LRRC8D: variants seen among roughly 807,000 people sequenced by gnomAD.
LRRC8D encodes the protein volume-regulated anion channel subunit LRRC8D.
LRRC8D carries 20 observed loss-of-function variants against 55.8 expected under a neutral mutation model. The ratio of observed to expected loss-of-function variants is 0.36; its 90% CI spans 0.25 to 0.52. LRRC8D has a LOEUF of 0.52. Ranked by LOEUF, LRRC8D falls within the 20% of genes least tolerant of loss-of-function variation. The pLI is 0.93. For missense variants in LRRC8D, 651 were observed against 1,030.8 expected, an observed-to-expected ratio of 0.63 and a Z score of 5.05; for synonymous variants, 352 against 377.0, an observed-to-expected ratio of 0.93 and a Z score of 0.77.
intron 2 of LRRC8D, among the ~76,000 whole-genome samples, chr1:89,908,115 G>A (rs2816847): frequency 0.3 from 45,422 of 152,044 alleles, 7,175 homozygotes; most frequent in African/African-American, 0.39. Context: ...TGATGATGAT[G>A]ATGATGATGT....
intron 2 of LRRC8D, among the ~76,000 whole-genome samples, chr1:89,845,784 T>A (rs574879643): frequency 5.9e-5 from 9 of 152,064 alleles, no homozygotes; most frequent in Admixed American, 2.6e-4. Flanking sequence ...CTACTTTTTT[T>A]TTTTTATTTT....
At chr1:89,914,966 G>A (rs1193171343) in intron 2 of LRRC8D, among the ~76,000 whole-genome samples, 1 of 151,536 alleles carries the variant, frequency 6.6e-6, no homozygotes, top group East Asian at 1.9e-4. Context: ...GATAAGTATG[G>A]GTGGATCTTT....
chr1:89,837,797 A>G lies in LRRC8D; in HGVS notation c.-147-5841A>G, dbSNP rs145194578. Among the ~76,000 whole-genome samples the G allele has an allele frequency of 8.3e-4, 126 of 152,354 alleles. 1 individual carries two copies. The highest frequency in any genetic ancestry group is 2.5e-3 in the African/African-American group (106 of 41,592). On this transcript the variant is annotated intron_variant, in intron 1 of 2. Coordinates refer to ENST00000337338, the MANE Select transcript of LRRC8D (RefSeq NM_001134479.2). Reference sequence around the variant, plus strand: ...CTCTTTCGTGCTATTTGCCTTGGCTATTCCACTACAGGCAAAGGAAAGGAG... The same window carrying G: ...CTCTTTCGTGCTATTTGCCTTGGCTGTTCCACTACAGGCAAAGGAAAGGAG...
chr1:89,901,067 T>C (rs1026557035), intron 2 of LRRC8D, among the ~76,000 whole-genome samples: 3 of 152,190 alleles, frequency 2.0e-5, no homozygotes, highest in African/African-American at 7.2e-5. Context: ...GCATTTCTAG[T>C]CCAGCATATC....
chr1:89,839,518 C>T (rs186308942), intron 1 of LRRC8D, among the ~76,000 whole-genome samples: 181 of 152,296 alleles, frequency 1.2e-3, no homozygotes, highest in Non-Finnish European at 2.1e-3. Context: ...CGACCCCTTG[C>T]TGCATTTTGT....
At chr1:89,924,070 T>C (rs1322068139) in intron 2 of LRRC8D, among the ~76,000 whole-genome samples, 1 of 152,176 alleles carries the variant, frequency 6.6e-6, no homozygotes. Context: ...AAAACAAAAA[T>C]TGACAAGTGG....
chr1:89,906,612 T>C (rs1663000355), intron 2 of LRRC8D, among the ~76,000 whole-genome samples: 1 of 152,198 alleles, frequency 6.6e-6, no homozygotes, highest in African/African-American at 2.4e-5. Context: ...AGCCAAACTT[T>C]TGGGAGCCAG....
At chr1:89,931,248 A>C (rs1351403364) in intron 2 of LRRC8D, among the ~76,000 whole-genome samples, 1 of 146,950 alleles carries the variant, frequency 6.8e-6, no homozygotes, top group Non-Finnish European at 1.5e-5. Context: ...AGGTATGTGG[A>C]AGGGTTTCGG....
chr1:89,871,630 T>C (rs1270338474), intron 2 of LRRC8D, among the ~76,000 whole-genome samples: 1 of 152,236 alleles, frequency 6.6e-6, no homozygotes, highest in African/African-American at 2.4e-5. Flanking sequence ...TTCTTTCTAC[T>C]GTTTACAGGA....
chr1:89,842,203 ACT>A (rs1661152178), intron 1 of LRRC8D, among the ~76,000 whole-genome samples: 1 of 117,304 alleles, frequency 8.5e-6, no homozygotes, highest in African/African-American at 3.4e-5. Flanking sequence ...ACAGAGCGAG[ACT>A]CTGTCTCAGA....
At chr1:89,848,255 A>G (rs2100758713) in intron 2 of LRRC8D, among the ~76,000 whole-genome samples, 1 of 152,314 alleles carries the variant, frequency 6.6e-6, no homozygotes, top group African/African-American at 2.4e-5. Context: ...GTTTTTGTAG[A>G]GTCAGGACTG....
At chr1:89,872,112 G>A (rs1260266051) in intron 2 of LRRC8D, among the ~76,000 whole-genome samples, 1 of 152,162 alleles carries the variant, frequency 6.6e-6, no homozygotes, top group Non-Finnish European at 1.5e-5. Flanking sequence ...AGTGTATTCC[G>A]TCTGCAACGT....
At chr1:89,836,452 G>A (rs1313121068) in intron 1 of LRRC8D, among the ~76,000 whole-genome samples, 2 of 152,164 alleles carry the variant, frequency 1.3e-5, no homozygotes, top group African/African-American at 4.8e-5. Flanking sequence ...CGGCATATTT[G>A]TAGTGGGGCC....
At chr1:89,927,070 C>T (rs1016787086) in intron 2 of LRRC8D, among the ~76,000 whole-genome samples, 1 of 152,244 alleles carries the variant, frequency 6.6e-6, no homozygotes, top group African/African-American at 2.4e-5. Flanking sequence ...TCTGCACCTT[C>T]TTTTCTATGG....
intron 2 of LRRC8D, among the ~76,000 whole-genome samples, chr1:89,915,245 T>C (rs554688209): frequency 6.6e-6 from 1 of 152,340 alleles, no homozygotes; most frequent in South Asian, 2.1e-4. Flanking sequence ...AATAGATTAA[T>C]GATTGGTCAC....
Position 89,934,129 on chromosome 1 carries a change from G to A in LRRC8D, c.1061G>A (p.Cys354Tyr). 6.2e-7 allele frequency: 1 copy of A among 1,614,150 alleles called. No individual in the cohort carries two copies. Among genetic ancestry groups the A allele is most frequent in the Non-Finnish European group, 8.5e-7 (1 of 1,180,022 alleles). Residue 354 changes from cysteine (C) to tyrosine (Y), a missense_variant, in exon 3 of 3, where the codon TGC (cysteine) becomes TAC (tyrosine). Physicochemically the swap from Cys to Tyr is radical, Grantham distance 194 (BLOSUM62 -2). Coordinates refer to ENST00000337338, the MANE Select transcript of LRRC8D (RefSeq NM_001134479.2). This position sits in a 1 kb window ranked among gnomAD's most constrained non-coding sequence, Gnocchi z 5.9. ...EHLIGYEVFE[C>Y]THNMAYMLKK... ...CTGATTGGTTATGAGGTATTTGAGT[G>A]CACCCACAATATGGCTTACATGTTG...
chr1:89,843,841 C>T, intron 2 of LRRC8D, 59 bp downstream of exon 2: 2 of 594,836 alleles, frequency 3.4e-6, no homozygotes, highest in Non-Finnish European at 6.1e-6. Flanking sequence ...GCACGGAGCA[C>T]TGCTAGTGTC....
chr1:89,931,559 G>A (rs1663706063), intron 2 of LRRC8D, among the ~76,000 whole-genome samples: 1 of 152,112 alleles, frequency 6.6e-6, no homozygotes, highest in Non-Finnish European at 1.5e-5. Flanking sequence ...AGGAGTTCGA[G>A]ACCAGCCTGG....
At chr1:89,926,497 C>A (rs1287005796) in intron 2 of LRRC8D, among the ~76,000 whole-genome samples, 1 of 152,218 alleles carries the variant, frequency 6.6e-6, no homozygotes, top group African/African-American at 2.4e-5. Flanking sequence ...TACATAATGT[C>A]ATTGCTTTGT....
Sources: gnomAD v4.1 joint callset for allele counts (sites outside exome capture counted in the v4.1 genomes callset) on GRCh38, gnomAD v4.1.1 for gene constraint, Gnocchi (gnomAD v3.1) non-coding constraint, MANE v1.5 for transcripts, NCBI Gene and HGNC (gene_info 2026-07-23, HGNC 2026-07-21) for gene names.